The following GLT1D1 variants were observed in gnomAD, a reference collection of about 807,000 sequenced individuals.
GLT1D1 encodes glycosyltransferase 1 domain containing 1.
In GLT1D1, 21 loss-of-function variants were observed where a neutral mutation model predicts 28.7. The ratio of observed to expected loss-of-function variants is 0.73; its 90% confidence interval spans 0.52 to 1.05. The LOEUF (loss-of-function observed/expected upper bound fraction) is 1.05. Among genes scored for constraint, GLT1D1 ranks in the 50% least tolerant of loss-of-function variants. The pLI is 0.00. For missense variants in GLT1D1, 343 were observed against 330.6 expected, an observed-to-expected ratio of 1.04 and a Z score of -0.29; for synonymous variants, 147 against 124.8, an observed-to-expected ratio of 1.18 and a Z score of -1.19.
chr12:128,889,280 G>C (rs1868757675), intron 3 of GLT1D1, among the ~76,000 whole-genome samples: 1 of 152,168 alleles, frequency 6.6e-6, no homozygotes, highest in African/African-American at 2.4e-5. Flanking sequence ...AGCTTTCTGA[G>C]CTATATATGC....
intron 4 of GLT1D1, among the ~76,000 whole-genome samples, chr12:128,901,215 C>T (rs759184536): frequency 6.6e-6 from 1 of 152,190 alleles, no homozygotes; most frequent in Non-Finnish European, 1.5e-5. Context: ...AAGCCAGTTT[C>T]ACTTAAAAAT....
chr12:128,944,330 C>T, intron 4 of GLT1D1: 1 of 728,906 alleles, frequency 1.4e-6, no homozygotes. Flanking sequence ...AAAGCATATC[C>T]ACAGGGCCAA....
rs1028304661 is a variant in GLT1D1 at position 128,904,988 on chromosome 12, C to T, written c.375+5701C>T. Among the ~76,000 whole-genome samples, 5 of 152,102 alleles carry T rather than the reference C, an allele frequency of 3.3e-5. No individual in the cohort carries two copies. The East Asian group carries it at 9.7e-4, about 29-fold the overall frequency. On this transcript the variant is annotated intron_variant, in intron 4 of 7. Transcript: ENST00000281703. ...TTCACCATGTTGGCCAGGCTGGTCT[C>T]GAACTCCTGACCTCAAGTGATCTGC...
intron 1 of GLT1D1, 69 bp downstream of exon 1, chr12:128,853,718 G>C (rs1429891902): frequency 6.2e-6 from 6 of 964,714 alleles, no homozygotes; most frequent in Non-Finnish European, 7.5e-6. Context: ...CGGGACCCGG[G>C]GACGCGGGGC....
rs1336250890 is a variant in GLT1D1, at chr12:128,874,090, TTCTTTCTTTCTC to T, written c.69-1820_69-1809del. On this transcript the variant is annotated intron_variant, in intron 1 of 7. Transcript: ENST00000281703. ...TTTCTTTCTTTCTTTCTTTCTTTCT[TTCTTTCTTTCTC>T]TCTCTCTCTCTCTCTCTCTCTCTCT... is the stretch of plus-strand genomic sequence containing the variant. 3.4e-3 allele frequency among the ~76,000 whole-genome samples: 86 copies of T among 25,318 alleles called. 1 individual carries two copies. The highest frequency in any genetic ancestry group is 4.6e-3 in the Non-Finnish European group (65 of 14,184). The allele number at this position is 25,318 out of a possible 152,430, so 16.6% of individuals were successfully genotyped here. A position where few individuals can be genotyped will look rare whatever the true frequency, so the allele number is the denominator to read the frequency against.
At chr12:128,956,913 G>A (rs989425015) in intron 6 of GLT1D1, among the ~76,000 whole-genome samples, 5 of 152,192 alleles carry the variant, frequency 3.3e-5, no homozygotes, top group African/African-American at 1.2e-4. Flanking sequence ...GAACACTGTA[G>A]AAAGAGAACC....
At chr12:128,931,917 G>GCACGCGCACACACACA (rs1368012620) in intron 4 of GLT1D1, among the ~76,000 whole-genome samples, 1,477 of 141,098 alleles carry the variant, frequency 0.01, 10 homozygotes, top group Non-Finnish European at 0.015. Context: ...ACACACGCAC[G>GCACGCGCACACACACA]CACACACACA....
intron 2 of GLT1D1, among the ~76,000 whole-genome samples, chr12:128,885,243 A>G (rs1040697149): frequency 3.3e-5 from 5 of 152,002 alleles, no homozygotes; most frequent in Admixed American, 2.0e-4. Flanking sequence ...TTTTTTTGAG[A>G]CAGAGTCGAG....
At chr12:128,898,247 A>C (rs959523305) in intron 3 of GLT1D1, among the ~76,000 whole-genome samples, 1 of 151,348 alleles carries the variant, frequency 6.6e-6, no homozygotes, top group Admixed American at 6.6e-5. Context: ...ATCATGGCTC[A>C]CTGCAGCCTT....
intron 3 of GLT1D1, among the ~76,000 whole-genome samples, chr12:128,891,651 G>T (rs1869070073): frequency 6.6e-6 from 1 of 152,158 alleles, no homozygotes; most frequent in South Asian, 2.1e-4. Context: ...AGCATTCAAA[G>T]TTCTGTCGGG....
At chr12:128,969,134 T>A (rs1878777276) in intron 7 of GLT1D1, among the ~76,000 whole-genome samples, 1 of 125,258 alleles carries the variant, frequency 8.0e-6, no homozygotes, top group African/African-American at 4.5e-5. Context: ...TCTGTAGCCT[T>A]CCTCCCTCTC....
At chr12:128,979,295 C>G (rs940633005) in intron 7 of GLT1D1, among the ~76,000 whole-genome samples, 2 of 152,146 alleles carry the variant, frequency 1.3e-5, no homozygotes, top group Admixed American at 1.3e-4. Context: ...CAGGTCCAGG[C>G]TCTGGGCACA....
chr12:128,900,447 C>T (rs187412975), intron 4 of GLT1D1, among the ~76,000 whole-genome samples: 120 of 152,260 alleles, frequency 7.9e-4, no homozygotes, highest in African/African-American at 2.7e-3. Context: ...TCCGAAAGCT[C>T]GGGATGCTAG....
At chr12:128,925,153 T>G (rs1873073832) in intron 4 of GLT1D1, among the ~76,000 whole-genome samples, 2 of 152,200 alleles carry the variant, frequency 1.3e-5, no homozygotes. Context: ...TTTATATACC[T>G]ATGGACATGT....
chr12:128,978,842 T>C (rs1485000092), intron 7 of GLT1D1, among the ~76,000 whole-genome samples: 1 of 152,174 alleles, frequency 6.6e-6, no homozygotes, highest in African/African-American at 2.4e-5. Context: ...GTTTAGACCA[T>C]ATAGGGCAAT....
intron 2 of GLT1D1, among the ~76,000 whole-genome samples, chr12:128,886,574 G>A (rs142387772): frequency 6.6e-6 from 1 of 152,108 alleles, no homozygotes; most frequent in African/African-American, 2.4e-5. Context: ...CAGCCTTGAG[G>A]GGCATCCACA....
chr12:128,976,408 A>G (rs1001439837), intron 7 of GLT1D1, among the ~76,000 whole-genome samples: 1 of 152,200 alleles, frequency 6.6e-6, no homozygotes, highest in Admixed American at 6.5e-5. Flanking sequence ...AGGTTTGAGA[A>G]GCAAAGCCAC....
chr12:128,853,872 A>G (rs1164981217), intron 1 of GLT1D1, among the ~76,000 whole-genome samples: 1 of 152,058 alleles, frequency 6.6e-6, no homozygotes, highest in African/African-American at 2.4e-5. Flanking sequence ...CGGCCGGCGC[A>G]TTGGCCTCGC....
chr12:128,961,936 A>G (rs911263130), intron 7 of GLT1D1, among the ~76,000 whole-genome samples: 3 of 152,204 alleles, frequency 2.0e-5, no homozygotes, highest in Admixed American at 1.3e-4. Context: ...TCTGTGAGTC[A>G]GGCAGTTTTT....
Sources: gnomAD v4.1 joint callset for allele counts (sites outside exome capture counted in the v4.1 genomes callset) on GRCh38, gnomAD v4.1.1 for gene constraint, MANE v1.5 for transcripts, NCBI Gene and HGNC (gene_info 2026-07-23, HGNC 2026-07-21) for gene names.